The following UGT1A6 variants were observed in gnomAD, a reference collection of about 807,000 sequenced individuals.
The protein encoded by UGT1A6 is UDP-glucuronosyltransferase 1A6.
In UGT1A6, 32 loss-of-function variants were observed where a neutral mutation model predicts 44.4. That is an observed-to-expected ratio of 0.72 (90% CI 0.54 to 0.97). UGT1A6 has a LOEUF of 0.97. Among genes scored for constraint, UGT1A6 ranks in the 50% least tolerant of loss-of-function variants. UGT1A6 has a pLI of 0.00. For synonymous variants in UGT1A6, 238 were observed against 248.5 expected (o/e 0.96, Z 0.40); for missense variants, 685 against 661.9 (o/e 1.03, Z -0.38).
At chr2:233,726,038 C>T (rs1360509529) in intron 1 of UGT1A6, among the ~76,000 whole-genome samples, 1 of 152,198 alleles carries the variant, frequency 6.6e-6, no homozygotes, top group African/African-American at 2.4e-5. Context: ...TGATGGCGCA[C>T]ACCTGTGGTC....
At chr2:233,728,962 C>G (rs1481350452) in intron 1 of UGT1A6, 1 of 1,451,462 alleles carries the variant, frequency 6.9e-7, no homozygotes. Context: ...CAGTGAAAAA[C>G]AGTGATAGAT....
At chr2:233,747,180 G>A in intron 1 of UGT1A6, 1 of 1,601,796 alleles carries the variant, frequency 6.2e-7, no homozygotes, top group South Asian at 1.1e-5. Flanking sequence ...CACAGCGTGG[G>A]GTGGACAGTC....
intron 1 of UGT1A6, chr2:233,718,807 T>A (rs2076687177): frequency 6.2e-7 from 1 of 1,613,200 alleles, no homozygotes; most frequent in African/African-American, 1.3e-5. Flanking sequence ...CAGCTGTCGG[T>A]GGCTTCTGCT....
chr2:233,734,394 G>A (rs574179934), intron 1 of UGT1A6, among the ~76,000 whole-genome samples: 7 of 152,088 alleles, frequency 4.6e-5, no homozygotes, highest in South Asian at 2.1e-4. Flanking sequence ...TTTTTATTGC[G>A]TCTATTTGAT....
intron 1 of UGT1A6, among the ~76,000 whole-genome samples, chr2:233,762,131 A>T (rs1026156979): frequency 6.6e-6 from 1 of 152,036 alleles, no homozygotes; most frequent in East Asian, 1.9e-4. Context: ...CCATGTGGGG[A>T]CCTGTGTGAC....
chr2:233,728,472 C>A (rs778651891), intron 1 of UGT1A6, among the ~76,000 whole-genome samples: 1 of 152,182 alleles, frequency 6.6e-6, no homozygotes, highest in African/African-American at 2.4e-5. Context: ...TCCCAAGAAT[C>A]TGATCATCAC....
intron 1 of UGT1A6, among the ~76,000 whole-genome samples, chr2:233,750,335 T>C (rs1295665958): frequency 6.6e-6 from 1 of 151,930 alleles, no homozygotes; most frequent in Non-Finnish European, 1.5e-5. Context: ...TTCAGAGAGA[T>C]GATCTGAAAT....
chr2:233,708,438 T>C (rs1435886261), intron 1 of UGT1A6: 1 of 152,216 alleles, frequency 6.6e-6, no homozygotes, highest in African/African-American at 2.4e-5. Context: ...AACTGGTATT[T>C]ACCTTCTGCA....
At chr2:233,720,900 G>A (rs2076906237) in intron 1 of UGT1A6, among the ~76,000 whole-genome samples, 1 of 144,530 alleles carries the variant, frequency 6.9e-6, no homozygotes, top group Non-Finnish European at 1.5e-5. Flanking sequence ...TAGTAGAGAT[G>A]AGGTTTCGCA....
intron 1 of UGT1A6, chr2:233,760,526 C>T (rs2125985458): frequency 3.7e-6 from 6 of 1,614,242 alleles, no homozygotes; most frequent in Non-Finnish European, 5.1e-6. Context: ...AAGACGTACC[C>T]TGTGCCATTC....
At chr2:233,720,033 T>A (rs13401281) in intron 1 of UGT1A6, among the ~76,000 whole-genome samples, 3 of 152,074 alleles carry the variant, frequency 2.0e-5, no homozygotes, top group South Asian at 4.2e-4. Context: ...TTTGCTTGCC[T>A]GATTTTCAGC....
chr2:233,772,094 C>G (rs995748491), intron 4 of UGT1A6, among the ~76,000 whole-genome samples, 168 bp from the exon 5 acceptor site: 7 of 152,164 alleles, frequency 4.6e-5, no homozygotes, highest in Admixed American at 3.9e-4. Context: ...GCCCGGGCAA[C>G]AGGGCAAGAC....
At chr2:233,729,142 C>T (rs757429126) in intron 1 of UGT1A6, 2 of 1,613,410 alleles carry the variant, frequency 1.2e-6, no homozygotes, top group Non-Finnish European at 1.7e-6. Context: ...CACAGGACTC[C>T]AGGTTCCCCT....
intron 1 of UGT1A6, chr2:233,743,413 C>T: frequency 7.6e-7 from 1 of 1,324,104 alleles, no homozygotes; most frequent in South Asian, 1.2e-5. Context: ...GCCCCCACTT[C>T]CCAGGGAGCC....
chr2:233,725,714 T>G lies in UGT1A6; in HGVS notation c.861+31849T>G, dbSNP rs572434706. Among the ~76,000 whole-genome samples, 94 of 152,356 alleles carry G rather than the reference T, an allele frequency of 6.2e-4. 1 individual carries two copies. In the South Asian group the frequency reaches 0.019, roughly 32 times the overall value. ...AGTCATATGTAGTTAGTGACTACCA[T>G]ATGGTCAATGTTTACAAATGTAAAC... On this transcript the variant is annotated intron_variant, in intron 1 of 4. Transcript: ENST00000305139.
In UGT1A6 at chr2:233,760,246, A is replaced by ATG. The variant is rs772016461; in HGVS notation, c.862-6787_862-6786insGT. 1.6e-5 allele frequency: 25 copies of ATG among 1,608,940 alleles called. No homozygotes were observed. The South Asian group carries it at 2.6e-4, about 17-fold the overall frequency. ...ATTGGTTTTTGCCATATATATATAT[A>ATG]TAAGTAGGAGAGGGCGAACCTCTGG... On this transcript the variant is annotated intron_variant, in intron 1 of 4. Coordinates refer to ENST00000305139, the MANE Select transcript of UGT1A6 (RefSeq NM_001072.4).
intron 1 of UGT1A6, chr2:233,747,911 C>T (rs1693810314): frequency 6.2e-7 from 1 of 1,613,510 alleles, no homozygotes; most frequent in East Asian, 2.2e-5. Flanking sequence ...CTTATGCAAG[C>T]CTTGCCTCTG....
At chr2:233,718,085 C>T (rs557969051) in intron 1 of UGT1A6, 1 of 337,650 alleles carries the variant, frequency 3.0e-6, no homozygotes, top group Non-Finnish European at 5.9e-6. Context: ...GTTGTCTTGC[C>T]CATGTGTGCT....
intron 4 of UGT1A6, 143 bp downstream of exon 4, chr2:233,768,582 CTTTTTTT>C (rs139595073): frequency 1.2e-4 from 124 of 1,032,798 alleles, no homozygotes; most frequent in East Asian, 4.8e-4. Context: ...TTTATTTCTT[CTTTTTTT>C]TTTTTTTTTT....
Sources: allele counts gnomAD v4.1 joint callset (sites outside exome capture counted in the v4.1 genomes callset), GRCh38; gene constraint gnomAD v4.1.1; transcripts MANE v1.5; gene names NCBI Gene and HGNC (gene_info 2026-07-23, HGNC 2026-07-21).